The following SLC7A1 variants were observed in gnomAD, a reference collection of about 807,000 sequenced individuals.
SLC7A1 encodes the protein high affinity cationic amino acid transporter 1.
SLC7A1 carries 10 observed loss-of-function variants against 53.9 expected under a neutral mutation model. The ratio of observed to expected loss-of-function variants is 0.19; its 90% CI spans 0.11 to 0.31. The LOEUF is 0.31. Among genes scored for constraint, SLC7A1 ranks in the 10% least tolerant of loss-of-function variants. The pLI is 1.00. For missense variants in SLC7A1, 525 were observed against 827.2 expected (o/e 0.63, Z 4.48); for synonymous variants, 342 against 338.7 (o/e 1.01, Z -0.11).
chr13:29,578,337 CT>C (rs1871493732), intron 1 of SLC7A1, among the ~76,000 whole-genome samples: 1 of 152,134 alleles, frequency 6.6e-6, no homozygotes, highest in Non-Finnish European at 1.5e-5. Flanking sequence ...CTTTGTCCTA[CT>C]GCAAACCTTA....
At chr13:29,573,278 G>A (rs1232953693) in intron 1 of SLC7A1, among the ~76,000 whole-genome samples, 1 of 152,074 alleles carries the variant, frequency 6.6e-6, no homozygotes, top group South Asian at 2.1e-4. Context: ...GAACTATCTG[G>A]CAAGCAGGTG....
chr13:29,570,672 C>T (rs568777702), intron 1 of SLC7A1, among the ~76,000 whole-genome samples: 1 of 152,160 alleles, frequency 6.6e-6, no homozygotes, highest in African/African-American at 2.4e-5. Context: ...GGCAACATAG[C>T]AAAACCAAGT....
At chr13:29,543,519 C>T (rs968981030) in intron 2 of SLC7A1, among the ~76,000 whole-genome samples, 3 of 152,328 alleles carry the variant, frequency 2.0e-5, no homozygotes, top group Admixed American at 2.0e-4. Flanking sequence ...GGGCTGATGG[C>T]AGAAGTTCCC....
At chr13:29,523,156 G>T in intron 7 of SLC7A1, 110 bp downstream of exon 7, 1 of 890,498 alleles carries the variant, frequency 1.1e-6, no homozygotes, top group Non-Finnish European at 1.8e-6. Flanking sequence ...CAAGGGTAAA[G>T]AATGCTGGCA....
At chr13:29,591,507 T>C (rs1464830684) in intron 1 of SLC7A1, among the ~76,000 whole-genome samples, 1 of 152,146 alleles carries the variant, frequency 6.6e-6, no homozygotes, top group Non-Finnish European at 1.5e-5. Flanking sequence ...CACTGCTAGA[T>C]GGTTTCTACA....
chr13:29,550,787 C>T (rs1334343887), intron 2 of SLC7A1, among the ~76,000 whole-genome samples: 1 of 152,164 alleles, frequency 6.6e-6, no homozygotes, highest in Non-Finnish European at 1.5e-5. Flanking sequence ...TGATTCCTGG[C>T]CCACAGAAAC....
chr13:29,554,852 C>T (rs975289333), intron 1 of SLC7A1, among the ~76,000 whole-genome samples: 24 of 152,222 alleles, frequency 1.6e-4, no homozygotes, highest in African/African-American at 5.8e-4. Context: ...ACTGATATTT[C>T]ATTCCTTTTC....
At chr13:29,535,062 G>GA (rs1205863552) in intron 3 of SLC7A1, among the ~76,000 whole-genome samples, 1 of 152,190 alleles carries the variant, frequency 6.6e-6, no homozygotes, top group African/African-American at 2.4e-5. Context: ...GCTACGTGGA[G>GA]GATCACAGTC....
intron 1 of SLC7A1, among the ~76,000 whole-genome samples, chr13:29,594,360 T>C (rs1378855722): frequency 6.6e-6 from 1 of 152,238 alleles, no homozygotes; most frequent in Non-Finnish European, 1.5e-5. Context: ...GGCATGGCGG[T>C]GATGACGTGA....
intron 1 of SLC7A1, among the ~76,000 whole-genome samples, chr13:29,582,506 C>A (rs1417601463): frequency 2.0e-5 from 3 of 152,218 alleles, no homozygotes; most frequent in Non-Finnish European, 4.4e-5. Context: ...GCAGGCACTG[C>A]TCTTGGTACA....
At chr13:29,586,962 G>A (rs767794036) in intron 1 of SLC7A1, among the ~76,000 whole-genome samples, 21 of 152,208 alleles carry the variant, frequency 1.4e-4, no homozygotes, top group Non-Finnish European at 3.1e-4. Context: ...GCTCTGGCCC[G>A]TCCAGGTTGG....
intron 2 of SLC7A1, among the ~76,000 whole-genome samples, chr13:29,544,953 C>A (rs1869848838): frequency 6.6e-6 from 1 of 151,710 alleles, no homozygotes; most frequent in African/African-American, 2.4e-5. Context: ...CCTGATCATC[C>A]TTCTATGCCC....
intron 8 of SLC7A1, 38 bp downstream of exon 8, chr13:29,522,279 T>C (rs1868663483): frequency 6.2e-6 from 10 of 1,611,988 alleles, no homozygotes; most frequent in Non-Finnish European, 8.5e-6. Flanking sequence ...GACTCCATTG[T>C]TAAAACATTT....
intron 2 of SLC7A1, among the ~76,000 whole-genome samples, chr13:29,551,080 T>A (rs1416923747): frequency 2.0e-5 from 3 of 152,228 alleles, no homozygotes; most frequent in Admixed American, 2.0e-4. Context: ...GTTATTTCAT[T>A]TTTTTAAAAA....
intron 1 of SLC7A1, among the ~76,000 whole-genome samples, chr13:29,576,293 T>TTAAAAAAAA (rs552407983): frequency 1.6e-5 from 2 of 124,954 alleles, no homozygotes; most frequent in African/African-American, 3.7e-5. Flanking sequence ...TCCTGTTTTT[T>TTAAAAAAAA]AAAAAAAAAA....
chr13:29,538,512 C>T (rs1471845836), intron 2 of SLC7A1, among the ~76,000 whole-genome samples: 2 of 152,152 alleles, frequency 1.3e-5, no homozygotes, highest in African/African-American at 2.4e-5. Flanking sequence ...GGGATGCCTG[C>T]GGCTTCCTAG....
chr13:29,538,208 A>G (rs1039654599), intron 2 of SLC7A1, among the ~76,000 whole-genome samples: 4 of 152,228 alleles, frequency 2.6e-5, no homozygotes, highest in African/African-American at 4.8e-5. Context: ...CAGGCTCTGC[A>G]GGCGCAGTCC....
At chr13:29,545,001 C>T (rs1869852112) in intron 2 of SLC7A1, among the ~76,000 whole-genome samples, 1 of 151,936 alleles carries the variant, frequency 6.6e-6, no homozygotes, top group African/African-American at 2.4e-5. Context: ...TTGACAGGAC[C>T]ACAGCACACG....
In SLC7A1 at chr13:29,575,607, G is replaced by A. The variant is rs954043770; in HGVS notation, c.-115+19809C>T. ...ACAAATGTGCCATACTTCTGCCCCCGAATCCCGTAAAATATCTACTTTTAG... is the reference window on the plus strand; with the variant it reads ...ACAAATGTGCCATACTTCTGCCCCCAAATCCCGTAAAATATCTACTTTTAG... On this transcript the variant is annotated intron_variant, in intron 1 of 12. Transcript: ENST00000380752. Among the ~76,000 whole-genome samples the A allele has an allele frequency of 1.1e-4, 16 of 152,246 alleles. 1 individual carries two copies. Among genetic ancestry groups the A allele is most frequent in the Admixed American group, 3.9e-4 (6 of 15,294 alleles).
Sources: gnomAD v4.1 joint callset for allele counts (sites outside exome capture counted in the v4.1 genomes callset) on GRCh38, gnomAD v4.1.1 for gene constraint, MANE v1.5 for transcripts, NCBI Gene and HGNC (gene_info 2026-07-23, HGNC 2026-07-21) for gene names.